DMC1: variants seen among roughly 807,000 people sequenced by gnomAD.
The protein encoded by DMC1 is meiotic recombination protein DMC1 homolog.
A neutral mutation model predicts 50.1 loss-of-function variants in DMC1; 27 were observed. The observed-to-expected ratio is 0.54, with a 90% CI of 0.40 to 0.74. The LOEUF (loss-of-function observed/expected upper bound fraction) is 0.74, where lower values mean the gene tolerates loss of function less well. Among genes scored for constraint, DMC1 ranks in the 30% least tolerant of loss-of-function variants. The pLI is 0.00. For synonymous variants in DMC1, 148 were observed against 136.1 expected, an observed-to-expected ratio of 1.09 and a Z score of -0.61; for missense variants, 295 against 420.2, an observed-to-expected ratio of 0.70 and a Z score of 2.60.
At chr22:38,532,694 A>G (rs1396995852) in intron 12 of DMC1, among the ~76,000 whole-genome samples, 1 of 151,380 alleles carries the variant, frequency 6.6e-6, no homozygotes, top group East Asian at 2.0e-4. Context: ...AACATGGCTC[A>G]CTGCAGCCTT....
At chr22:38,533,382 C>A (rs374679371) in intron 12 of DMC1, among the ~76,000 whole-genome samples, 1 of 121,362 alleles carries the variant, frequency 8.2e-6, no homozygotes, top group Non-Finnish European at 1.6e-5. Context: ...AGTGACAGAG[C>A]GAGACTCCAT....
downstream of DMC1, among the ~76,000 whole-genome samples, chr22:38,517,974 CT>C (rs1195079895): frequency 1.3e-3 from 191 of 142,346 alleles, no homozygotes; most frequent in Non-Finnish European, 1.3e-3. Flanking sequence ...TGGAATTTTA[CT>C]TTTTTTTTTT....
At chr22:38,528,920 G>C (rs1488176654) in intron 12 of DMC1, among the ~76,000 whole-genome samples, 1 of 152,158 alleles carries the variant, frequency 6.6e-6, no homozygotes, top group Admixed American at 6.5e-5. Flanking sequence ...GACTATTACA[G>C]CAGTTATAAC....
At chr22:38,544,822 C>T (rs1260054298) in intron 8 of DMC1, among the ~76,000 whole-genome samples, 6 of 150,216 alleles carry the variant, frequency 4.0e-5, no homozygotes, top group Admixed American at 2.7e-4. Context: ...TTAGTAGAGA[C>T]GGGGTTTCAC....
chr22:38,560,805 T>C (rs983714712), intron 5 of DMC1, among the ~76,000 whole-genome samples: 2 of 152,106 alleles, frequency 1.3e-5, no homozygotes, highest in East Asian at 1.9e-4. Context: ...AATCGTCAAC[T>C]ATGAACTCAG....
At chr22:38,563,516 C>G (rs1202341704) in intron 4 of DMC1, among the ~76,000 whole-genome samples, 2 of 151,856 alleles carry the variant, frequency 1.3e-5, no homozygotes, top group East Asian at 3.9e-4. Context: ...TCTTTCTCTC[C>G]TCTCTCTCTG....
At chr22:38,538,220 A>G (rs1569159273) in intron 11 of DMC1, 75 bp downstream of exon 11, 1 of 1,246,764 alleles carries the variant, frequency 8.0e-7, no homozygotes, top group Admixed American at 1.8e-5. Context: ...GCCTCCTGAC[A>G]TTATATTCCA....
At chr22:38,544,084 A>G (rs1336442667) in intron 8 of DMC1, among the ~76,000 whole-genome samples, 1 of 152,188 alleles carries the variant, frequency 6.6e-6, no homozygotes, top group African/African-American at 2.4e-5. Flanking sequence ...TTTGCAAACT[A>G]TCCATCTGAC....
chr22:38,513,108 G>T, the DMC1 span, among the ~76,000 whole-genome samples: 1 of 151,970 alleles, frequency 6.6e-6, no homozygotes, highest in African/African-American at 2.4e-5. Context: ...GGACATTAGG[G>T]TTCATTGAAT....
chr22:38,544,573 C>A (rs545267767), intron 8 of DMC1, among the ~76,000 whole-genome samples: 75 of 152,214 alleles, frequency 4.9e-4, no homozygotes, highest in Non-Finnish European at 9.1e-4. Context: ...CACACGTCGT[C>A]AGGACTTCCT....
chr22:38,550,406 C>T (rs1206850234), intron 7 of DMC1, among the ~76,000 whole-genome samples: 3 of 149,918 alleles, frequency 2.0e-5, no homozygotes, highest in African/African-American at 7.3e-5. Context: ...CTCCGCCTCC[C>T]GGGTTCAAGC....
At chr22:38,532,170 TC>T (rs2090159424) in intron 12 of DMC1, among the ~76,000 whole-genome samples, 1 of 152,200 alleles carries the variant, frequency 6.6e-6, no homozygotes, top group South Asian at 2.1e-4. Flanking sequence ...AAAATTATTC[TC>T]TTTGTGAAGC....
At position 38,568,212 on chromosome 22, in the gene DMC1, A is replaced by G. The variant is rs767317012; in HGVS notation, c.45T>C (p.Asp15=). Residue 15 remains aspartate (D), a synonymous_variant, in exon 2 of 14, where the codon GAT becomes GAC. Coordinates refer to ENST00000216024, the MANE Select transcript of DMC1 (RefSeq NM_007068.4). ...TTCAACATTTTAGTCATACCTCTTC[A>G]TCTTGGAATCCTGGTTCTTCCGCCA... ...QVVAEEPGFQ[D]EEESLFQDID... is the part of the protein sequence containing the mutation. 1.2e-6 allele frequency: 2 copies of G among 1,614,110 alleles called. No homozygotes were observed. Among genetic ancestry groups the G allele is most frequent in the Non-Finnish European group, 1.7e-6 (2 of 1,179,970 alleles).
At chr22:38,521,253 G>A (rs2090021226) in intron 13 of DMC1, among the ~76,000 whole-genome samples, 1 of 152,048 alleles carries the variant, frequency 6.6e-6, no homozygotes. Context: ...AATTTAATTG[G>A]AATTGATGAT....
Position 38,557,956 on chromosome 22 carries a change from CTTTT to C in DMC1, c.327-2551_327-2548del, listed in dbSNP as rs753724944. 3.0e-4 allele frequency among the ~76,000 whole-genome samples: 19 copies of C among 62,688 alleles called. 1 individual carries two copies. Among genetic ancestry groups the C allele is most frequent in the South Asian group, 1.2e-3 (2 of 1,610 alleles). 41.1% of individuals were successfully genotyped at this position (62,688 alleles called of 152,430 possible). A position where few individuals can be genotyped will look rare whatever the true frequency, so the allele number is the denominator to read the frequency against. On this transcript the variant is annotated intron_variant, in intron 5 of 13. Transcript: ENST00000216024. ...AATAATTAGATAATTAGACAAAGTT[CTTTT>C]TTTTTTTTTTTTTTTTTTTTGAGAC...
chr22:38,516,853 G>A (rs1462341790), downstream of DMC1, among the ~76,000 whole-genome samples: 2 of 152,002 alleles, frequency 1.3e-5, no homozygotes, highest in South Asian at 2.1e-4. Flanking sequence ...TTTGAGACAG[G>A]GTCTCACTGT....
chr22:38,548,204 G>T (rs1247573961), intron 8 of DMC1, among the ~76,000 whole-genome samples: 1 of 151,744 alleles, frequency 6.6e-6, no homozygotes, highest in Non-Finnish European at 1.5e-5. Flanking sequence ...CATATTTCTG[G>T]GCCTACCCCT....
Position 38,549,901 on chromosome 22 carries a change from A to G in DMC1, c.494+24T>C, listed in dbSNP as rs1310273911. On this transcript the variant is annotated intron_variant, in intron 8 of 13. Transcript: ENST00000216024. ...CATTCCTATATCACACTATTATGTT[A>G]GCAACTTTAAATAAAAAGGTTACAA... The G allele has an allele frequency of 1.9e-6, 3 of 1,559,344 alleles. No individual in the cohort carries two copies. In the Admixed American group the frequency reaches 5.0e-5, roughly 26 times the overall value.
In DMC1 at chr22:38,546,450, CCT is replaced by C. The variant is rs1471708307; in HGVS notation, c.494+3473_494+3474del. On this transcript the variant is annotated intron_variant, in intron 8 of 13. Coordinates refer to ENST00000216024, the MANE Select transcript of DMC1 (RefSeq NM_007068.4). Reference sequence around the variant, plus strand: ...TGCTACTCTGCAAGAACAATTCTTCCCTCTCTGAGATAAGAATCATCCTTAAT... The same window carrying C: ...TGCTACTCTGCAAGAACAATTCTTCCCTCTGAGATAAGAATCATCCTTAAT... Among the ~76,000 whole-genome samples, 13 of 152,058 alleles carry C rather than the reference CCT, an allele frequency of 8.5e-5. No individual in the cohort carries two copies. The East Asian group carries it at 2.5e-3, about 29-fold the overall frequency.
Sources: gnomAD v4.1 joint callset for allele counts (sites outside exome capture counted in the v4.1 genomes callset) on GRCh38, gnomAD v4.1.1 for gene constraint, MANE v1.5 for transcripts, NCBI Gene and HGNC (gene_info 2026-07-23, HGNC 2026-07-21) for gene names.